WDR72: variants seen among roughly 807,000 people sequenced by gnomAD.
The protein encoded by WDR72 is WD repeat-containing protein 72.
A neutral mutation model predicts 124.2 loss-of-function variants in WDR72; 120 were observed. The observed-to-expected ratio is 0.97, with a 90% CI of 0.83 to 1.12. WDR72 has a LOEUF of 1.12. WDR72 is among the 50% of genes most tolerant of loss of function. The probability of loss-of-function intolerance (pLI) is 0.00; values close to 1 mark genes in which losing one functional copy is unlikely to be tolerated. For synonymous variants in WDR72, 452 were observed against 441.7 expected, an observed-to-expected ratio of 1.02 and a Z score of -0.29; for missense variants, 1,387 against 1,278.8, an observed-to-expected ratio of 1.08 and a Z score of -1.29.
chr15:53,700,066 T>C, intron 12 of WDR72, 121 bp from the exon 13 acceptor site: 1 of 1,133,786 alleles, frequency 8.8e-7, no homozygotes. Context: ...ACAAAAATGA[T>C]ATTTCTGCTT....
intron 18 of WDR72, among the ~76,000 whole-genome samples, chr15:53,524,666 A>C (rs74017403): frequency 0.05 from 7,644 of 152,078 alleles, 435 homozygotes; most frequent in African/African-American, 0.14. Context: ...TGTTTCACCA[A>C]CTCTCTCAGG....
chr15:53,666,829 T>G (rs2015795979), intron 13 of WDR72, among the ~76,000 whole-genome samples: 1 of 152,138 alleles, frequency 6.6e-6, no homozygotes, highest in South Asian at 2.1e-4. Context: ...CTTCCTCATT[T>G]CTCTCCCACT....
At chr15:53,593,884 T>G (rs1006141622) in intron 18 of WDR72, among the ~76,000 whole-genome samples, 1 of 152,190 alleles carries the variant, frequency 6.6e-6, no homozygotes, top group South Asian at 2.1e-4. Flanking sequence ...AAAAAATAAC[T>G]AATTTCTCAG....
At position 53,733,051 on chromosome 15, in the gene WDR72, C is replaced by T. The variant is rs144767107; in HGVS notation, c.99G>A (p.Val33=). 6.2e-7 allele frequency: 1 copy of T among 1,614,028 alleles called. No individual in the cohort carries two copies. Among genetic ancestry groups the T allele is most frequent in the Non-Finnish European group, 8.5e-7 (1 of 1,179,962 alleles). ...IMITDDQRTI[V]TGSQEGQLCL... is the part of the protein sequence containing the mutation. Reference sequence around the variant, plus strand: ...AGAGCTGACCCTCTTGACTTCCAGTCACAATCGTTCGCTGGTCATCAGTGA... The same window carrying T: ...AGAGCTGACCCTCTTGACTTCCAGTTACAATCGTTCGCTGGTCATCAGTGA... The change falls in exon 2 of 20, where the codon GTG becomes GTA. Residue 33 remains valine, a synonymous_variant. Coordinates refer to ENST00000360509, the MANE Select transcript of WDR72 (RefSeq NM_182758.4).
chr15:53,630,975 A>G (rs2014404549), intron 14 of WDR72, among the ~76,000 whole-genome samples: 1 of 152,238 alleles, frequency 6.6e-6, no homozygotes, highest in African/African-American at 2.4e-5. Flanking sequence ...GTATCCACAA[A>G]AAAAACCTAT....
intron 13 of WDR72, among the ~76,000 whole-genome samples, chr15:53,680,225 T>C (rs2016331928): frequency 6.6e-6 from 1 of 152,198 alleles, no homozygotes; most frequent in Admixed American, 6.5e-5. Flanking sequence ...TTAGCTCCTA[T>C]TTATATCTAT....
At chr15:53,686,062 G>A (rs897961560) in intron 13 of WDR72, among the ~76,000 whole-genome samples, 26 of 149,442 alleles carry the variant, frequency 1.7e-4, no homozygotes, top group Admixed American at 5.4e-4. Flanking sequence ...TAAAGGAAGT[G>A]CTAAACATGG....
chr15:53,580,438 C>G (rs1164451449), intron 18 of WDR72, among the ~76,000 whole-genome samples: 1 of 152,024 alleles, frequency 6.6e-6, no homozygotes, highest in Middle Eastern at 3.2e-3. Flanking sequence ...TAGGAAATCT[C>G]ATCATGATCT....
At chr15:53,560,124 A>C (rs2140292567) in intron 18 of WDR72, among the ~76,000 whole-genome samples, 1 of 152,042 alleles carries the variant, frequency 6.6e-6, no homozygotes, top group Admixed American at 6.6e-5. Flanking sequence ...AGTCAGCAGC[A>C]GTTGAGGTCC....
chr15:53,608,194 T>C (rs1156797187), intron 17 of WDR72, among the ~76,000 whole-genome samples: 1 of 152,194 alleles, frequency 6.6e-6, no homozygotes, highest in Non-Finnish European at 1.5e-5. Context: ...AAGAGAAATC[T>C]GCACTCCTAT....
At chr15:53,704,577 A>G (rs1475815559) in intron 11 of WDR72, among the ~76,000 whole-genome samples, 1 of 150,892 alleles carries the variant, frequency 6.6e-6, no homozygotes, top group Non-Finnish European at 1.5e-5. Flanking sequence ...CCCAGGCTGG[A>G]GTGCAGTGGC....
chr15:53,748,788 G>C (rs928435736), intron 1 of WDR72, among the ~76,000 whole-genome samples: 1 of 151,962 alleles, frequency 6.6e-6, no homozygotes, highest in Non-Finnish European at 1.5e-5. Flanking sequence ...CTTTATTCCA[G>C]ATTTCATCTT....
intron 14 of WDR72, among the ~76,000 whole-genome samples, chr15:53,623,514 TAC>T (rs201348553): frequency 8.1e-4 from 119 of 147,338 alleles, no homozygotes; most frequent in African/African-American, 2.9e-3. Context: ...CACATACACA[TAC>T]ACACACACAT....
intron 8 of WDR72, 72 bp from the exon 9 acceptor site, chr15:53,711,025 T>C: frequency 7.7e-7 from 1 of 1,305,756 alleles, no homozygotes; most frequent in Non-Finnish European, 1.1e-6. Flanking sequence ...CCCCTCCCAC[T>C]TTCAAAAGCC....
At chr15:53,602,552 G>T (rs2013090373) in intron 17 of WDR72, among the ~76,000 whole-genome samples, 1 of 151,464 alleles carries the variant, frequency 6.6e-6, no homozygotes, top group Non-Finnish European at 1.5e-5. Context: ...CCAAGAGCTG[G>T]TTTTTGGAAA....
intron 14 of WDR72, among the ~76,000 whole-genome samples, chr15:53,630,062 A>C (rs918602186): frequency 7.1e-6 from 1 of 139,882 alleles, no homozygotes; most frequent in African/African-American, 2.9e-5. Flanking sequence ...GTTTTTAAAA[A>C]GATCTCAGAG....
intron 1 of WDR72, among the ~76,000 whole-genome samples, chr15:53,754,606 T>A (rs1676795487): frequency 6.6e-6 from 1 of 152,026 alleles, no homozygotes; most frequent in African/African-American, 2.4e-5. Context: ...AGTTCATGGG[T>A]GTATAAGAGC....
At chr15:53,570,169 A>G (rs1177962904) in intron 18 of WDR72, among the ~76,000 whole-genome samples, 3 of 152,018 alleles carry the variant, frequency 2.0e-5, no homozygotes, top group Admixed American at 6.6e-5. Context: ...AAAATTCTAT[A>G]TATTTATTGG....
At chr15:53,686,489 T>A (rs1340972296) in intron 13 of WDR72, among the ~76,000 whole-genome samples, 1 of 151,518 alleles carries the variant, frequency 6.6e-6, no homozygotes, top group Non-Finnish European at 1.5e-5. Context: ...GGTAAAGGGA[T>A]CAATTCAACA....
Sources: gnomAD v4.1 joint callset for allele counts (sites outside exome capture counted in the v4.1 genomes callset) on GRCh38, gnomAD v4.1.1 for gene constraint, MANE v1.5 for transcripts, NCBI Gene and HGNC (gene_info 2026-07-23, HGNC 2026-07-21) for gene names.